Variants in TNRC6B observed in about 807,000 individuals in gnomAD.
TNRC6B encodes the protein trinucleotide repeat containing adaptor 6B.
In TNRC6B, 52 loss-of-function variants were observed where a neutral mutation model predicts 203.6. The ratio of observed to expected loss-of-function variants is 0.26; its 90% CI spans 0.20 to 0.32. The LOEUF is 0.32. Ranked by LOEUF, TNRC6B falls within the 10% of genes least tolerant of loss-of-function variation. TNRC6B has a pLI of 1.00. For missense variants in TNRC6B, 1,923 were observed against 2,286.2 expected, an observed-to-expected ratio of 0.84 and a Z score of 3.24; for synonymous variants, 838 against 845.7, an observed-to-expected ratio of 0.99 and a Z score of 0.16.
At chr22:40,152,633 C>T (rs377618866) in intron 3 of TNRC6B, among the ~76,000 whole-genome samples, 87 of 151,868 alleles carry the variant, frequency 5.7e-4, no homozygotes, top group African/African-American at 2.0e-3. Context: ...CGGCCACACC[C>T]GGCTAATTTT....
At position 40,327,866 on chromosome 22, in the gene TNRC6B, C is replaced by G. The variant is rs1555901227; in HGVS notation, c.*4625C>G. 6.7e-6 allele frequency: 1 copy of G among 149,210 alleles called. No homozygotes were observed. Among genetic ancestry groups the G allele is most frequent in the Non-Finnish European group, 1.5e-5 (1 of 67,322 alleles). The allele number at this position is 149,210 out of a possible 1,614,324, so 9.2% of individuals were successfully genotyped here. A position where few individuals can be genotyped will look rare whatever the true frequency, so the allele number is the denominator to read the frequency against. On this transcript the variant is annotated 3_prime_UTR_variant, in exon 23 of 23. Transcript: ENST00000454349. ...GCTTTCCCTTTTTTTTTTTTAACTA[C>G]TTTTTAAAACACTTGATTACTAGTG... is the stretch of plus-strand genomic sequence containing the variant.
At chr22:40,223,517 A>G (rs1196769830) in intron 1 of TNRC6B, among the ~76,000 whole-genome samples, 1 of 152,144 alleles carries the variant, frequency 6.6e-6, no homozygotes. Context: ...TACGTACATG[A>G]TATCATCAAG....
chr22:40,329,071 T>G lies in TNRC6B; in HGVS notation c.*5830T>G, dbSNP rs146054399. The G allele has an allele frequency of 2.8e-3, 425 of 152,456 alleles. 1 individual carries two copies. Among genetic ancestry groups the G allele is most frequent in the African/African-American group, 1.0e-2 (415 of 41,546 alleles). The allele number at this position is 152,456 out of a possible 1,614,324, so 9.4% of individuals were successfully genotyped here. ...AAAAAAGCCTTGTTCTTTAATTGTG[T>G]TTTTCCTCCTGTGAGTGGACAACTA... On this transcript the variant is annotated 3_prime_UTR_variant, in exon 23 of 23. Transcript: ENST00000454349.
At chr22:40,291,617 T>C (rs2070870369) in intron 12 of TNRC6B, among the ~76,000 whole-genome samples, 1 of 152,222 alleles carries the variant, frequency 6.6e-6, no homozygotes, top group Admixed American at 6.5e-5. Context: ...GCATTCACGG[T>C]GATCATAATG....
chr22:40,302,508 C>T (rs1304825899), intron 15 of TNRC6B, among the ~76,000 whole-genome samples: 1 of 152,124 alleles, frequency 6.6e-6, no homozygotes, highest in Non-Finnish European at 1.5e-5. Flanking sequence ...TGGCATGCGC[C>T]TCTAATCCCA....
chr22:40,296,631 C>CT (rs75183000), intron 12 of TNRC6B, among the ~76,000 whole-genome samples: 27,687 of 140,850 alleles, frequency 0.2, 2,765 homozygotes, highest in South Asian at 0.27. Context: ...CGCGCCCGGC[C>CT]TTTTTTTTTT....
Position 40,324,846 on chromosome 22 carries a change from T to C in TNRC6B, c.*1605T>C, listed in dbSNP as rs1479863690. ...CCACCTTGTAATTTTGCTTTTTTAA[T>C]TTCGGTATTTAAATACTTTTTTTTT... On this transcript the variant is annotated 3_prime_UTR_variant, in exon 23 of 23. Transcript: ENST00000454349. 6.6e-6 allele frequency: 1 copy of C among 152,630 alleles called. No individual in the cohort carries two copies. Among genetic ancestry groups the C allele is most frequent in the Non-Finnish European group, 1.5e-5 (1 of 68,038 alleles). 9.5% of individuals were successfully genotyped at this position (152,630 alleles called of 1,614,324 possible). A position where few individuals can be genotyped will look rare whatever the true frequency, so the allele number is the denominator to read the frequency against.
Position 40,093,480 on chromosome 22 carries a change from T to G in TNRC6B, c.-120-23575T>G, listed in dbSNP as rs187037862. The stretch of plus-strand genomic sequence containing the variant: ...CAAGCAGGGTAAAGAAAGAGAAATA[T>G]CACCTGGATACATTGGCAAATTCAA... On this transcript the variant is annotated intron_variant, in intron 1 of 23. Transcript: ENST00000301923. Among the ~76,000 whole-genome samples, 229 of 152,232 alleles carry G rather than the reference T, an allele frequency of 1.5e-3. 1 individual carries two copies. The highest frequency in any genetic ancestry group is 5.9e-4 in the Non-Finnish European group (40 of 68,022).
chr22:40,263,547 C>T (rs933133331), intron 4 of TNRC6B, among the ~76,000 whole-genome samples: 7 of 152,184 alleles, frequency 4.6e-5, no homozygotes, highest in African/African-American at 1.7e-4. Context: ...TCTCGAGTTT[C>T]GGTTTCTATG....
chr22:40,146,994 A>G (rs978742042), intron 3 of TNRC6B, among the ~76,000 whole-genome samples: 2 of 141,930 alleles, frequency 1.4e-5, no homozygotes, highest in African/African-American at 3.2e-5. Context: ...TGGCTACTGT[A>G]TTAAATATTA....
intron 1 of TNRC6B, chr22:40,045,079 G>T (rs2067674417): frequency 6.9e-6 from 1 of 144,972 alleles, no homozygotes; most frequent in African/African-American, 2.5e-5. Flanking sequence ...GGGGGTCGGC[G>T]AGGGCGCCCC....
chr22:40,301,076 A>G, intron 14 of TNRC6B, 71 bp downstream of exon 14: 7 of 1,567,538 alleles, frequency 4.5e-6, no homozygotes, highest in Non-Finnish European at 6.1e-6. Context: ...TCTGATGGCA[A>G]AGAACCGGGC....
intron 3 of TNRC6B, among the ~76,000 whole-genome samples, chr22:40,260,723 C>T (rs960534451): frequency 2.0e-5 from 3 of 152,146 alleles, no homozygotes; most frequent in African/African-American, 7.2e-5. Context: ...TTTAACTCTT[C>T]TAGGCAGCAC....
intron 3 of TNRC6B, among the ~76,000 whole-genome samples, chr22:40,126,402 C>G (rs1171676207): frequency 3.3e-5 from 5 of 151,926 alleles, no homozygotes; most frequent in Admixed American, 3.3e-4. Context: ...CCCTTCCCTC[C>G]CTCTCCCTTT....
intron 1 of TNRC6B, among the ~76,000 whole-genome samples, chr22:40,112,526 C>T (rs2068347258): frequency 6.6e-6 from 1 of 152,206 alleles, no homozygotes; most frequent in Non-Finnish European, 1.5e-5. Flanking sequence ...GGAACTAAAA[C>T]AGGATGCCCC....
chr22:40,174,014 G>T (rs1601858739), upstream of TNRC6B, among the ~76,000 whole-genome samples: 1 of 149,928 alleles, frequency 6.7e-6, no homozygotes, highest in East Asian at 2.0e-4. Flanking sequence ...GGCCAGGCTG[G>T]TCTTGAACTC....
chr22:40,268,916 A>T (rs1445246334), intron 5 of TNRC6B, among the ~76,000 whole-genome samples: 13 of 148,758 alleles, frequency 8.7e-5, no homozygotes, highest in South Asian at 8.5e-4. Context: ...CCGTCTCAAA[A>T]AATAATAATA....
chr22:40,211,711 A>T (rs950744710), intron 1 of TNRC6B, among the ~76,000 whole-genome samples: 1 of 152,200 alleles, frequency 6.6e-6, no homozygotes, highest in Non-Finnish European at 1.5e-5. Flanking sequence ...AGAACGGGAC[A>T]GCAGAAGGGT....
intron 2 of TNRC6B, among the ~76,000 whole-genome samples, chr22:40,247,932 G>C (rs905875530): frequency 6.6e-6 from 1 of 152,122 alleles, no homozygotes; most frequent in Non-Finnish European, 1.5e-5. Flanking sequence ...AAAATTAGCC[G>C]AGTGTGGTGG....
Sources: gnomAD v4.1 joint callset for allele counts (sites outside exome capture counted in the v4.1 genomes callset) on GRCh38, gnomAD v4.1.1 for gene constraint, MANE v1.5 for transcripts, NCBI Gene and HGNC (gene_info 2026-07-23, HGNC 2026-07-21) for gene names.